Variants in NEBL observed in about 807,000 individuals in gnomAD.
NEBL encodes the protein nebulette.
In NEBL, 122 loss-of-function variants were observed where a neutral mutation model predicts 140.2. The ratio of observed to expected loss-of-function variants is 0.87; its 90% CI spans 0.75 to 1.01. The LOEUF is 1.01. Among genes scored for constraint, NEBL ranks in the 50% least tolerant of loss-of-function variants. NEBL has a pLI of 0.00. For missense variants in NEBL, 1,365 were observed against 1,231.3 expected, an observed-to-expected ratio of 1.11 and a Z score of -1.62; for synonymous variants, 436 against 398.9, an observed-to-expected ratio of 1.09 and a Z score of -1.11.
At chr10:20,938,809 G>A (rs570776820) in intron 4 of NEBL, among the ~76,000 whole-genome samples, 18 of 152,286 alleles carry the variant, frequency 1.2e-4, no homozygotes, top group South Asian at 1.0e-3. Flanking sequence ...CTCAGTAGCC[G>A]ATGCGATCAA....
At chr10:20,981,619 A>G (rs1837047366) in intron 3 of NEBL, among the ~76,000 whole-genome samples, 1 of 152,136 alleles carries the variant, frequency 6.6e-6, no homozygotes, top group Non-Finnish European at 1.5e-5. Context: ...TAATCAGAGT[A>G]TCATACTTCC....
intron 4 of NEBL, among the ~76,000 whole-genome samples, chr10:20,885,471 T>C (rs1278119669): frequency 6.6e-6 from 1 of 152,222 alleles, no homozygotes. Flanking sequence ...GTGGTGTCTA[T>C]TTCAGTATAG....
chr10:20,841,022 C>T (rs1323419496), intron 12 of NEBL, among the ~76,000 whole-genome samples, 173 bp from the exon 13 acceptor site: 4 of 152,050 alleles, frequency 2.6e-5, no homozygotes, highest in African/African-American at 7.2e-5. Context: ...TTCCCCTCTA[C>T]CAAGTTCAGA....
At chr10:20,827,446 G>A (rs1424853500) in intron 17 of NEBL, among the ~76,000 whole-genome samples, 1 of 152,160 alleles carries the variant, frequency 6.6e-6, no homozygotes, top group African/African-American at 2.4e-5. Context: ...CTAATTAGGA[G>A]GTAGGAAATA....
At chr10:20,999,891 G>A (rs1264684399) in intron 3 of NEBL, among the ~76,000 whole-genome samples, 1 of 151,926 alleles carries the variant, frequency 6.6e-6, no homozygotes, top group Non-Finnish European at 1.5e-5. Context: ...TTCATCGTTG[G>A]TTCCCCATGC....
At chr10:21,079,841 C>A (rs889588727) in intron 2 of NEBL, among the ~76,000 whole-genome samples, 1 of 152,176 alleles carries the variant, frequency 6.6e-6, no homozygotes, top group African/African-American at 2.4e-5. Context: ...TACTCTGCCC[C>A]ACCACCCAAG....
intron 2 of NEBL, among the ~76,000 whole-genome samples, chr10:21,084,440 T>C (rs1018713489): frequency 6.6e-6 from 1 of 151,896 alleles, no homozygotes; most frequent in Non-Finnish European, 1.5e-5. Flanking sequence ...AAAAGGCCAA[T>C]GTTAAAACTA....
chr10:20,902,406 CA>C (rs10532070), intron 4 of NEBL, among the ~76,000 whole-genome samples: 32,015 of 149,790 alleles, frequency 0.21, 5,640 homozygotes, highest in African/African-American at 0.49. Context: ...GACACTGTCT[CA>C]AAAAAAAAAA....
intron 3 of NEBL, among the ~76,000 whole-genome samples, chr10:21,205,226 A>G (rs1841807555): frequency 6.6e-6 from 1 of 152,246 alleles, no homozygotes; most frequent in African/African-American, 2.4e-5. Flanking sequence ...ACAAAGTAAG[A>G]TTACAATATC....
At chr10:20,822,247 T>C (rs1839392505) in intron 19 of NEBL, among the ~76,000 whole-genome samples, 1 of 151,954 alleles carries the variant, frequency 6.6e-6, no homozygotes, top group Admixed American at 6.6e-5. Context: ...ATCTTTAAAA[T>C]CCCCCAAGAA....
intron 16 of NEBL, 119 bp downstream of exon 16, chr10:20,831,077 A>G: frequency 2.6e-6 from 2 of 779,812 alleles, no homozygotes; most frequent in Non-Finnish European, 4.5e-6. Context: ...TCTTAGTGAA[A>G]GAGTACACTA....
chr10:20,817,839 C>T (rs1838887443), intron 20 of NEBL, 147 bp from the exon 21 acceptor site: 3 of 712,652 alleles, frequency 4.2e-6, no homozygotes, highest in African/African-American at 3.5e-5. Context: ...CATATACGCC[C>T]ACATTCCGAT....
At chr10:20,805,598 A>T (rs1234632039) in intron 26 of NEBL, among the ~76,000 whole-genome samples, 1 of 152,144 alleles carries the variant, frequency 6.6e-6, no homozygotes, top group Non-Finnish European at 1.5e-5. Context: ...CATGTCTGTA[A>T]TCCTGGCATT....
At chr10:21,278,836 G>A (rs2132295938) in intron 1 of NEBL, among the ~76,000 whole-genome samples, 1 of 152,226 alleles carries the variant, frequency 6.6e-6, no homozygotes, top group South Asian at 2.1e-4. Context: ...GTTAGAATCA[G>A]GCCTCCTCAC....
intron 1 of NEBL, among the ~76,000 whole-genome samples, chr10:21,288,038 C>T (rs1588603902): frequency 1.3e-5 from 2 of 152,168 alleles, no homozygotes; most frequent in Non-Finnish European, 2.9e-5. Flanking sequence ...TGCAATGTAT[C>T]CCCATAGGAT....
chr10:21,101,868 C>G (rs1432181767), intron 2 of NEBL, among the ~76,000 whole-genome samples: 1 of 152,202 alleles, frequency 6.6e-6, no homozygotes, highest in Non-Finnish European at 1.5e-5. Flanking sequence ...CACTTCTCAT[C>G]TATAATTCAG....
At position 20,812,840 on chromosome 10, in the gene NEBL, A is replaced by T. The variant is rs1411314275; in HGVS notation, c.2447T>A (p.Val816Asp). Residue 816 changes from valine to aspartate, a missense_variant, in exon 24 of 28, where the codon GTC (valine) becomes GAC (aspartate). Physicochemically the swap from Val to Asp is radical, Grantham distance 152. This residue lies in a region of NEBL where 1,323 missense variants were observed against 1,154.8 expected (regional missense o/e 1.15). Transcript: ENST00000377122. ...GACCCCTTTATAGGCAGCATCGCTG[A>T]CCACCTGGGTGTTCTTCCTCACTCT... ...TERVRKNTQV[V>D]SDAAYKGVHP... The T allele has an allele frequency of 1.2e-6, 2 of 1,613,998 alleles. No homozygotes were observed. Among genetic ancestry groups the T allele is most frequent in the Admixed American group, 3.3e-5 (2 of 60,010 alleles).
intron 4 of NEBL, among the ~76,000 whole-genome samples, chr10:20,928,429 C>G (rs1834015217): frequency 6.6e-6 from 1 of 152,136 alleles, no homozygotes; most frequent in Non-Finnish European, 1.5e-5. Flanking sequence ...CACAAGAGAA[C>G]TCAGACATAT....
Position 21,264,328 on chromosome 10 carries a change from T to C in NEBL, n.183-12500A>G, listed in dbSNP as rs60970352. ...TGGGACAGTGCAGCACCATTGTCCA[T>C]GGCCTTCCAGGCAGCACATGGCCCT... On this transcript the variant is annotated intron_variant and non_coding_transcript_variant, in intron 1 of 8. Transcript: ENST00000675702. 2.7e-3 allele frequency among the ~76,000 whole-genome samples: 416 copies of C among 152,322 alleles called. 3 individuals are homozygous for C. Among genetic ancestry groups the C allele is most frequent in the African/African-American group, 9.6e-3 (399 of 41,596 alleles).
Sources: allele counts gnomAD v4.1 joint callset (sites outside exome capture counted in the v4.1 genomes callset), GRCh38; gene constraint gnomAD v4.1.1; regional missense constraint gnomAD v4.1.1; transcripts MANE v1.5; gene names NCBI Gene and HGNC (gene_info 2026-07-23, HGNC 2026-07-21).